CASZ1: variants seen among roughly 807,000 people sequenced by gnomAD.
CASZ1 encodes zinc finger protein castor homolog 1.
A neutral mutation model predicts 135.2 loss-of-function variants in CASZ1; 28 were observed. That is an observed-to-expected ratio of 0.21 (90% CI 0.15 to 0.28). The LOEUF (loss-of-function observed/expected upper bound fraction) is 0.28, where lower values mean the gene tolerates loss of function less well. CASZ1 is among the 10% of genes least tolerant of loss of function. The pLI is 1.00. For synonymous variants in CASZ1, 1,068 were observed against 1,073.4 expected, an observed-to-expected ratio of 0.99 and a Z score of 0.10; for missense variants, 2,161 against 2,453.3, an observed-to-expected ratio of 0.88 and a Z score of 2.52.
At position 10,788,031 on chromosome 1, in the gene CASZ1, T is replaced by C. The variant is rs988779214; in HGVS notation, c.-234+8533A>G. ...TCTCCACAGAGCAAACTATCCAAGG[T>C]TCAAACATGACCTTGCCTAAGACCG... On this transcript the variant is annotated intron_variant, in intron 1 of 20. Coordinates refer to ENST00000377022, the MANE Select transcript of CASZ1 (RefSeq NM_001079843.3). This position sits in a 1 kb window ranked among gnomAD's most constrained non-coding sequence, Gnocchi z 4.1. Among the ~76,000 whole-genome samples the C allele has an allele frequency of 2.0e-5, 3 of 152,158 alleles. No individual in the cohort carries two copies. The highest frequency in any genetic ancestry group is 7.2e-5 in the African/African-American group (3 of 41,426).
chr1:10,688,956 G>A (rs575008157), intron 4 of CASZ1, among the ~76,000 whole-genome samples: 37 of 152,284 alleles, frequency 2.4e-4, no homozygotes, highest in African/African-American at 8.4e-4. Flanking sequence ...TTACTACAGT[G>A]CAACTTCCTT....
In CASZ1 at chr1:10,725,677, C is replaced by G. The variant is rs1337636948; in HGVS notation, c.-76-20133G>C. ...GTCACACTCCAGGCCTGGGGGAGGCCAGGCTTGGGGAGGAGGTGGAAGCCA... is the reference window on the plus strand; with the variant it reads ...GTCACACTCCAGGCCTGGGGGAGGCGAGGCTTGGGGAGGAGGTGGAAGCCA... On this transcript the variant is annotated intron_variant, in intron 2 of 20. Coordinates refer to ENST00000377022, the MANE Select transcript of CASZ1 (RefSeq NM_001079843.3). The surrounding 1 kb of genome is among the most constrained non-coding windows in gnomAD (Gnocchi z 4.4). Among the ~76,000 whole-genome samples the G allele has an allele frequency of 3.3e-5, 5 of 151,600 alleles. No homozygotes were observed. The highest frequency in any genetic ancestry group is 7.4e-5 in the Non-Finnish European group (5 of 67,970).
chr1:10,704,882 AGGCT>A, intron 3 of CASZ1, among the ~76,000 whole-genome samples: 1 of 152,366 alleles, frequency 6.6e-6, no homozygotes, highest in Middle Eastern at 3.4e-3. Context: ...AGGCTGGGCC[AGGCT>A]GGGGCAGCCC....
intron 1 of CASZ1, among the ~76,000 whole-genome samples, chr1:10,781,430 G>A (rs543495280): frequency 3.0e-4 from 46 of 152,302 alleles, no homozygotes; most frequent in African/African-American, 1.1e-3. Flanking sequence ...CAGTGCTTGG[G>A]AGTCAGCTCC....
intron 1 of CASZ1, among the ~76,000 whole-genome samples, chr1:10,790,331 A>G (rs1404557262): frequency 6.6e-6 from 1 of 152,196 alleles, no homozygotes; most frequent in Non-Finnish European, 1.5e-5. Flanking sequence ...CCTTCAGAGA[A>G]AGGGAAGAAC....
chr1:10,696,031 C>T (rs1638926774), intron 3 of CASZ1, among the ~76,000 whole-genome samples: 1 of 152,220 alleles, frequency 6.6e-6, no homozygotes, highest in Admixed American at 6.5e-5. Context: ...CTTTGGACAG[C>T]ATCCAGCAAC....
chr1:10,758,262 GGC>G (rs2100570248), intron 2 of CASZ1, among the ~76,000 whole-genome samples: 1 of 151,722 alleles, frequency 6.6e-6, no homozygotes, highest in South Asian at 2.1e-4. Context: ...TGAGAACAGG[GGC>G]GGTCTTGTCC....
At chr1:10,771,835 T>C (rs918248030) in intron 1 of CASZ1, among the ~76,000 whole-genome samples, 2 of 152,194 alleles carry the variant, frequency 1.3e-5, no homozygotes, top group Admixed American at 6.5e-5. Context: ...GGACTCCCCC[T>C]GGAACCCGCT....
chr1:10,661,767 G>T (rs893085254), intron 5 of CASZ1, among the ~76,000 whole-genome samples: 16 of 137,644 alleles, frequency 1.2e-4, no homozygotes, highest in Admixed American at 3.0e-4. Context: ...CTCACCCACA[G>T]TCACATGCAT....
chr1:10,643,125 C>T (rs1339128897), intron 19 of CASZ1, 35 bp downstream of exon 19: 1 of 1,605,226 alleles, frequency 6.2e-7, no homozygotes, highest in African/African-American at 1.3e-5. Flanking sequence ...GTTCCCGCCA[C>T]CCTGGCTGGG....
chr1:10,694,391 C>A lies in CASZ1; in HGVS notation c.-23-479G>T. 1 of 993,144 alleles carries A rather than the reference C, an allele frequency of 1.0e-6. No individual in the cohort carries two copies. Among genetic ancestry groups the A allele is most frequent in the Non-Finnish European group, 1.3e-6 (1 of 779,350 alleles). 61.5% of individuals were successfully genotyped at this position (993,144 alleles called of 1,614,324 possible). On this transcript the variant is annotated intron_variant, in intron 3 of 20. Transcript: ENST00000377022. This position sits in a 1 kb window ranked among gnomAD's most constrained non-coding sequence, Gnocchi z 6.6. ...TTGCAACTGATTACTCCCCGAATAA[C>A]AAGTTGTTTTAAAGCCCTGATGTCA...
At position 10,774,557 on chromosome 1, in the gene CASZ1, GC is replaced by G. The variant is rs112815797; in HGVS notation, c.-233-13701del. ...GTGATCCCAAGAAATCCCATCCATAGCCCCCCCGATCCAAAAGGATCACCAG... is the reference window on the plus strand; with the variant it reads ...GTGATCCCAAGAAATCCCATCCATAGCCCCCCGATCCAAAAGGATCACCAG... On this transcript the variant is annotated intron_variant, in intron 1 of 20. Transcript: ENST00000377022. The surrounding 1 kb of genome is among the most constrained non-coding windows in gnomAD (Gnocchi z 4.4). 0.64 allele frequency among the ~76,000 whole-genome samples: 97,457 copies of G among 151,834 alleles called. 32,082 individuals carry two copies. Among genetic ancestry groups the G allele is most frequent in the Non-Finnish European group, 0.72 (48,818 of 67,930 alleles).
Position 10,676,721 on chromosome 1 carries a change from T to G in CASZ1, c.17-11150A>C, listed in dbSNP as rs1638236021. Among the ~76,000 whole-genome samples, 1 of 152,230 alleles carries G rather than the reference T, an allele frequency of 6.6e-6. No homozygotes were observed. The highest frequency in any genetic ancestry group is 1.5e-5 in the Non-Finnish European group (1 of 68,034). On this transcript the variant is annotated intron_variant, in intron 4 of 20. Coordinates refer to ENST00000377022, the MANE Select transcript of CASZ1 (RefSeq NM_001079843.3). This position sits in a 1 kb window ranked among gnomAD's most constrained non-coding sequence, Gnocchi z 4.5. ...CGGGGCGAGCAGCCCCACAGTTTCC[T>G]GACGTGGACGCCTTTGCTGGTTCCT...
chr1:10,715,994 T>TCCCCACAGCACCCAATCCACA (rs1557528089), intron 2 of CASZ1, among the ~76,000 whole-genome samples: 1 of 39,862 alleles, frequency 2.5e-5, no homozygotes, highest in East Asian at 6.5e-4. Context: ...CCCAATCCGC[T>TCCCCACAGCACCCAATCCACA]CCCCACAGCA....
chr1:10,789,409 A>G (rs1440857446), intron 1 of CASZ1, among the ~76,000 whole-genome samples: 1 of 144,676 alleles, frequency 6.9e-6, no homozygotes, highest in African/African-American at 2.6e-5. Context: ...TGTCCTCAAG[A>G]CTCCTCTCAC....
Position 10,762,208 on chromosome 1 carries a change from C to A in CASZ1, c.-233-1351G>T, listed in dbSNP as rs952274563. ...CCCTACCTCGGCTGGGGCAATGCCA[C>A]CGAGACCAGCTCCCTGGGGGAGGCC... On this transcript the variant is annotated intron_variant, in intron 1 of 20. Transcript: ENST00000377022. This position sits in a 1 kb window ranked among gnomAD's most constrained non-coding sequence, Gnocchi z 4.1. Among the ~76,000 whole-genome samples the A allele has an allele frequency of 3.9e-5, 6 of 152,060 alleles. No homozygotes were observed. The highest frequency in any genetic ancestry group is 2.6e-4 in the Admixed American group (4 of 15,272).
At chr1:10,705,308 C>T (rs574563456) in intron 3 of CASZ1, among the ~76,000 whole-genome samples, 184 bp downstream of exon 3, 35 of 152,318 alleles carry the variant, frequency 2.3e-4, no homozygotes, top group East Asian at 1.7e-3. Flanking sequence ...ATCCTACTGG[C>T]GGGAGGGCAT....
rs1036666934 is a variant in CASZ1, at chr1:10,717,945, G to A, written c.-76-12401C>T. 6.6e-6 allele frequency among the ~76,000 whole-genome samples: 1 copy of A among 152,250 alleles called. No homozygotes were observed. The highest frequency in any genetic ancestry group is 1.5e-5 in the Non-Finnish European group (1 of 68,040). On this transcript the variant is annotated intron_variant, in intron 2 of 20. Coordinates refer to ENST00000377022, the MANE Select transcript of CASZ1 (RefSeq NM_001079843.3). The surrounding 1 kb of genome is among the most constrained non-coding windows in gnomAD (Gnocchi z 4.6). ...TGCGAGCACGCCTGGTCGCCTCAGC[G>A]ACCAAAGCGGGTGCAGGGACGGGCC...
chr1:10,791,081 CAAA>C (rs61062042), intron 1 of CASZ1, among the ~76,000 whole-genome samples: 5 of 121,182 alleles, frequency 4.1e-5, no homozygotes, highest in East Asian at 2.2e-4. Context: ...CTCTTCCCAT[CAAA>C]AAAAAAAAAA....
Sources: allele counts gnomAD v4.1 joint callset (sites outside exome capture counted in the v4.1 genomes callset), GRCh38; gene constraint gnomAD v4.1.1; non-coding constraint Gnocchi (gnomAD v3.1); transcripts MANE v1.5; gene names NCBI Gene and HGNC (gene_info 2026-07-23, HGNC 2026-07-21).